Variants in ABLIM2 observed in about 807,000 individuals in gnomAD.
ABLIM2 encodes the protein actin binding LIM protein family member 2, also known as actin-binding LIM protein 2.
A neutral mutation model predicts 97.7 loss-of-function variants in ABLIM2; 53 were observed. The observed-to-expected ratio is 0.54, with a 90% confidence interval of 0.44 to 0.68. The LOEUF is 0.68. Among genes scored for constraint, ABLIM2 ranks in the 30% least tolerant of loss-of-function variants. The probability of loss-of-function intolerance (pLI) is 0.00; values close to 1 mark genes in which losing one functional copy is unlikely to be tolerated. For synonymous variants in ABLIM2, 361 were observed against 345.8 expected (o/e 1.04, Z -0.49); for missense variants, 835 against 867.2 (o/e 0.96, Z 0.47).
At chr4:8,035,519 C>T (rs1242342764) in intron 10 of ABLIM2, among the ~76,000 whole-genome samples, 1 of 152,228 alleles carries the variant, frequency 6.6e-6, no homozygotes, top group African/African-American at 2.4e-5. Context: ...GGCAACGCCT[C>T]CTCCTACCTC....
At chr4:8,063,190 C>G (rs550567056) in intron 6 of ABLIM2, among the ~76,000 whole-genome samples, 1 of 152,198 alleles carries the variant, frequency 6.6e-6, no homozygotes, top group Non-Finnish European at 1.5e-5. Flanking sequence ...CTCAGCCTCC[C>G]GAGTAGCTGG....
chr4:8,131,087 T>C (rs1268346957), intron 1 of ABLIM2, among the ~76,000 whole-genome samples: 2 of 152,168 alleles, frequency 1.3e-5, no homozygotes, highest in African/African-American at 4.8e-5. Context: ...GAGGGCCCAC[T>C]CAGATCATCC....
At chr4:8,107,500 G>A (rs1417142135) in intron 1 of ABLIM2, among the ~76,000 whole-genome samples, 1 of 152,234 alleles carries the variant, frequency 6.6e-6, no homozygotes, top group South Asian at 2.1e-4. Context: ...TGGAGGTGCA[G>A]GATCTGGATG....
chr4:8,091,921 T>C (rs1237451165), intron 3 of ABLIM2, among the ~76,000 whole-genome samples: 1 of 121,436 alleles, frequency 8.2e-6, no homozygotes, highest in Non-Finnish European at 1.6e-5. Context: ...TGTTATAATA[T>C]ATAATGTATA....
At chr4:7,997,384 G>A (rs990626421) in intron 16 of ABLIM2, among the ~76,000 whole-genome samples, 2 of 152,038 alleles carry the variant, frequency 1.3e-5, no homozygotes, top group Non-Finnish European at 2.9e-5. Context: ...TTATTTCTTT[G>A]AATAGTTTTT....
At position 8,017,280 on chromosome 4, in the gene ABLIM2, TTTA is replaced by T. The variant is rs751969191; in HGVS notation, c.1423+2335_1423+2337del. Among the ~76,000 whole-genome samples, 426 of 150,394 alleles carry T rather than the reference TTTA, an allele frequency of 2.8e-3. 4 individuals are homozygous for T. The highest frequency in any genetic ancestry group is 8.6e-3 in the African/African-American group (353 of 40,966). The stretch of plus-strand genomic sequence containing the variant: ...CCTGTCTTGTGTTCCTAATTCCCTA[TTTA>T]TTATTATTATTATTATTATTTTTTT... On this transcript the variant is annotated intron_variant, in intron 14 of 20. Transcript: ENST00000447017.
intron 16 of ABLIM2, among the ~76,000 whole-genome samples, chr4:7,994,544 T>TCCAAAACACCAAAA: frequency 1.6e-5 from 1 of 62,464 alleles, no homozygotes; most frequent in East Asian, 3.5e-4. Flanking sequence ...TTGTGAATAG[T>TCCAAAACACCAAAA]GCCGCAATAA....
chr4:8,090,159 A>G (rs1577537383), intron 3 of ABLIM2, among the ~76,000 whole-genome samples: 1 of 152,200 alleles, frequency 6.6e-6, no homozygotes, highest in South Asian at 2.1e-4. Flanking sequence ...CGGCTCTCCC[A>G]TGCCCGTGTT....
At chr4:8,074,044 G>A (rs1003877795) in intron 6 of ABLIM2, among the ~76,000 whole-genome samples, 6 of 129,302 alleles carry the variant, frequency 4.6e-5, no homozygotes, top group African/African-American at 9.1e-5. Context: ...CCGAGATTGC[G>A]CCACTGCACT....
chr4:8,025,393 G>A (rs757387783), intron 12 of ABLIM2, among the ~76,000 whole-genome samples: 5 of 152,110 alleles, frequency 3.3e-5, no homozygotes, highest in Admixed American at 6.5e-5. Context: ...TGGCATAGAC[G>A]GCTTCGGAGC....
rs1266082257 is a variant in ABLIM2 at position 8,132,856 on chromosome 4, C to T, written c.10+25824G>A. On this transcript the variant is annotated intron_variant, in intron 1 of 20. Transcript: ENST00000447017. The surrounding 1 kb of genome is among the most constrained non-coding windows in gnomAD (Gnocchi z 8.0). The stretch of plus-strand genomic sequence containing the variant: ...CCTCTGAAAGTGTCCAGCCCCTACC[C>T]GGGCACGTGGTGGGCACTCGGTAAT... Among the ~76,000 whole-genome samples the T allele has an allele frequency of 2.6e-5, 4 of 152,210 alleles. No homozygotes were observed. The highest frequency in any genetic ancestry group is 5.9e-5 in the Non-Finnish European group (4 of 68,028).
At chr4:8,008,847 A>G (rs1246548613) in intron 15 of ABLIM2, among the ~76,000 whole-genome samples, 1 of 152,196 alleles carries the variant, frequency 6.6e-6, no homozygotes, top group African/African-American at 2.4e-5. Context: ...ACACGGGCAT[A>G]TACCCAGGAC....
intron 1 of ABLIM2, among the ~76,000 whole-genome samples, chr4:8,138,583 G>C (rs935529972): frequency 1.3e-5 from 2 of 152,148 alleles, no homozygotes; most frequent in African/African-American, 4.8e-5. Flanking sequence ...ACAACCATCT[G>C]ATCTTCAACA....
rs1208517045 is a variant in ABLIM2 at position 8,001,293 on chromosome 4, G to A, written c.1618+6766C>T. ...ACATGAGCTCTCAGAGGGACACGGG[G>A]TGCCACCCAGGGCCTGTGCTGCTAC... On this transcript the variant is annotated intron_variant, in intron 16 of 20. Coordinates refer to ENST00000447017, the MANE Select transcript of ABLIM2 (RefSeq NM_001130083.2). This position sits in a 1 kb window ranked among gnomAD's most constrained non-coding sequence, Gnocchi z 4.2. 2.6e-5 allele frequency among the ~76,000 whole-genome samples: 4 copies of A among 152,174 alleles called. No homozygotes were observed. Among genetic ancestry groups the A allele is most frequent in the Non-Finnish European group, 4.4e-5 (3 of 68,018 alleles).
Position 8,054,378 on chromosome 4 carries a change from G to C in ABLIM2, c.764-132C>G, listed in dbSNP as rs1049959849. On this transcript the variant is annotated intron_variant, in intron 7 of 20. Coordinates refer to ENST00000447017, the MANE Select transcript of ABLIM2 (RefSeq NM_001130083.2). The surrounding 1 kb of genome is among the most constrained non-coding windows in gnomAD (Gnocchi z 4.9). ...CGGACTCCACCCTCCAAGCGGCCCT[G>C]AGCATCCTCTCTGTGCTGGAGTTAG... 1 of 927,468 alleles carries C rather than the reference G, an allele frequency of 1.1e-6. No individual in the cohort carries two copies. The highest frequency in any genetic ancestry group is 1.6e-5 in the African/African-American group (1 of 61,306). 57.5% of individuals were successfully genotyped at this position (927,468 alleles called of 1,614,324 possible). A position where few individuals can be genotyped will look rare whatever the true frequency, so the allele number is the denominator to read the frequency against.
Position 8,075,742 on chromosome 4 carries a change from T to C in ABLIM2, c.675+1886A>G, listed in dbSNP as rs1815610086. On this transcript the variant is annotated intron_variant, in intron 6 of 20. Coordinates refer to ENST00000447017, the MANE Select transcript of ABLIM2 (RefSeq NM_001130083.2). This position sits in a 1 kb window ranked among gnomAD's most constrained non-coding sequence, Gnocchi z 4.4. Reference sequence around the variant, plus strand: ...GACTTGTGCCCTTTAAATGGGCAAATTGTGAACTCTATCTCAATGAAGCTA... The same window carrying C: ...GACTTGTGCCCTTTAAATGGGCAAACTGTGAACTCTATCTCAATGAAGCTA... Among the ~76,000 whole-genome samples, 1 of 152,054 alleles carries C rather than the reference T, an allele frequency of 6.6e-6. No individual in the cohort carries two copies.
rs1277477748 is a variant in ABLIM2, at chr4:8,068,077, C to T, written c.676-7023G>A. Among the ~76,000 whole-genome samples the T allele has an allele frequency of 6.6e-6, 1 of 151,678 alleles. No individual in the cohort carries two copies. Among genetic ancestry groups the T allele is most frequent in the African/African-American group, 2.4e-5 (1 of 40,978 alleles). On this transcript the variant is annotated intron_variant, in intron 6 of 20. Coordinates refer to ENST00000447017, the MANE Select transcript of ABLIM2 (RefSeq NM_001130083.2). This position sits in a 1 kb window ranked among gnomAD's most constrained non-coding sequence, Gnocchi z 4.5. Reference sequence around the variant, plus strand: ...TGTCATTCCCATTCTCTCATAGTGACTGGGGCGTCCCAGTCATCGGTACAG... The same window carrying T: ...TGTCATTCCCATTCTCTCATAGTGATTGGGGCGTCCCAGTCATCGGTACAG...
chr4:8,060,321 A>G (rs972498859), intron 7 of ABLIM2, among the ~76,000 whole-genome samples: 1 of 152,224 alleles, frequency 6.6e-6, no homozygotes, highest in Non-Finnish European at 1.5e-5. Flanking sequence ...CAGGTCTGGC[A>G]GCCCACAGGA....
Position 8,157,902 on chromosome 4 carries a change from G to T in ABLIM2, c.10+778C>A, listed in dbSNP as rs1020623350. Among the ~76,000 whole-genome samples, 7 of 152,270 alleles carry T rather than the reference G, an allele frequency of 4.6e-5. No individual in the cohort carries two copies. The East Asian group carries it at 1.3e-3, about 29-fold the overall frequency. On this transcript the variant is annotated intron_variant, in intron 1 of 20. Transcript: ENST00000447017. Reference sequence around the variant, plus strand: ...AACGACAAGCCCTCAGCCCGGTGCGGGCCCCAGGAGGCTCTCAGATCCGGG... The same window carrying T: ...AACGACAAGCCCTCAGCCCGGTGCGTGCCCCAGGAGGCTCTCAGATCCGGG...
Sources: gnomAD v4.1 joint callset for allele counts (sites outside exome capture counted in the v4.1 genomes callset) on GRCh38, gnomAD v4.1.1 for gene constraint, Gnocchi (gnomAD v3.1) non-coding constraint, MANE v1.5 for transcripts, NCBI Gene and HGNC (gene_info 2026-07-23, HGNC 2026-07-21) for gene names.